The following CTNNBL1 variants were observed in gnomAD, a reference collection of about 807,000 sequenced individuals.
The protein encoded by CTNNBL1 is beta-catenin-like protein 1.
Under a neutral mutation model 72.7 loss-of-function variants are expected in CTNNBL1, and 31 were observed. The ratio of observed to expected loss-of-function variants is 0.43; its 90% CI spans 0.32 to 0.58. CTNNBL1 has a LOEUF of 0.58. Among genes scored for constraint, CTNNBL1 ranks in the 20% least tolerant of loss-of-function variants. CTNNBL1 has a pLI of 0.08. For synonymous variants in CTNNBL1, 240 were observed against 267.3 expected, an observed-to-expected ratio of 0.90 and a Z score of 1.00; for missense variants, 534 against 725.1, an observed-to-expected ratio of 0.74 and a Z score of 3.03.
intron 11 of CTNNBL1, among the ~76,000 whole-genome samples, chr20:37,822,068 CCTTT>C (rs2122772801): frequency 6.6e-6 from 1 of 152,184 alleles, no homozygotes; most frequent in Admixed American, 6.5e-5. Flanking sequence ...AGGAAGTGTG[CCTTT>C]CTGATTATTA....
intron 4 of CTNNBL1, among the ~76,000 whole-genome samples, chr20:37,748,913 C>G (rs1336305923): frequency 1.3e-5 from 2 of 152,224 alleles, no homozygotes; most frequent in African/African-American, 4.8e-5. Context: ...TGCCATATGC[C>G]TAGCTCTATT....
intron 9 of CTNNBL1, 132 bp downstream of exon 9, chr20:37,777,844 G>A: frequency 2.2e-6 from 2 of 892,052 alleles, no homozygotes; most frequent in Non-Finnish European, 3.7e-6. Flanking sequence ...CAGGTTTGAG[G>A]GTTATACGGA....
intron 13 of CTNNBL1, among the ~76,000 whole-genome samples, chr20:37,848,781 G>C (rs777802416): frequency 3.3e-5 from 5 of 152,084 alleles, no homozygotes; most frequent in Non-Finnish European, 5.9e-5. Context: ...CTCATTCAGT[G>C]GTGCTAATAG....
intron 1 of CTNNBL1, among the ~76,000 whole-genome samples, chr20:37,719,295 C>T (rs1445729915): frequency 6.6e-6 from 1 of 152,144 alleles, no homozygotes; most frequent in Non-Finnish European, 1.5e-5. Flanking sequence ...AATTATGATT[C>T]CTGGTGATTT....
intron 10 of CTNNBL1, among the ~76,000 whole-genome samples, chr20:37,790,823 A>G (rs1006787153): frequency 1.3e-5 from 2 of 152,216 alleles, no homozygotes; most frequent in Admixed American, 6.5e-5. Context: ...ATTTTGCAAT[A>G]TGTATAGACC....
intron 1 of CTNNBL1, among the ~76,000 whole-genome samples, chr20:37,705,250 A>G (rs2072875208): frequency 6.6e-6 from 1 of 152,210 alleles, no homozygotes; most frequent in Admixed American, 6.5e-5. Context: ...TCTTTAAAAT[A>G]GAGATTGTAT....
rs570065252 is a variant in CTNNBL1 at position 37,810,610 on chromosome 20, A to C, written c.1213+7562A>C. Reference sequence around the variant, plus strand: ...AGACTTCACACTATAATAAATGTTCATTAGTGGTTGAAGAAGCCCAGAGAA... The same window carrying C: ...AGACTTCACACTATAATAAATGTTCCTTAGTGGTTGAAGAAGCCCAGAGAA... On this transcript the variant is annotated intron_variant, in intron 11 of 15. Coordinates refer to ENST00000361383, the MANE Select transcript of CTNNBL1 (RefSeq NM_030877.5). Among the ~76,000 whole-genome samples the C allele has an allele frequency of 2.6e-5, 4 of 152,334 alleles. No homozygotes were observed. The East Asian group carries it at 7.7e-4, about 29-fold the overall frequency.
chr20:37,792,639 C>T (rs772097019), intron 10 of CTNNBL1, among the ~76,000 whole-genome samples: 2 of 150,922 alleles, frequency 1.3e-5, no homozygotes, highest in Non-Finnish European at 2.9e-5. Context: ...TAGGGATGCT[C>T]AACCAGTATA....
chr20:37,701,474 C>T (rs2072841726), intron 1 of CTNNBL1, among the ~76,000 whole-genome samples: 1 of 152,106 alleles, frequency 6.6e-6, no homozygotes, highest in African/African-American at 2.4e-5. Context: ...GCAAGACAGA[C>T]ATTTAGAAAA....
At chr20:37,770,995 C>T (rs1252141726) in intron 7 of CTNNBL1, among the ~76,000 whole-genome samples, 2 of 152,170 alleles carry the variant, frequency 1.3e-5, no homozygotes, top group African/African-American at 4.8e-5. Context: ...ATCGTGGTGA[C>T]TCTTAGTGAG....
At chr20:37,752,489 A>G (rs921260191) in intron 4 of CTNNBL1, among the ~76,000 whole-genome samples, 4 of 151,840 alleles carry the variant, frequency 2.6e-5, no homozygotes, top group Non-Finnish European at 4.4e-5. Flanking sequence ...ATACTGGTTT[A>G]TTTGTCTTAA....
chr20:37,726,774 C>T (rs867221723), intron 1 of CTNNBL1, among the ~76,000 whole-genome samples: 2 of 152,226 alleles, frequency 1.3e-5, no homozygotes, highest in Middle Eastern at 3.4e-3. Context: ...CTTTCTTAGC[C>T]AGGGAACTTG....
chr20:37,836,020 C>T (rs556701784), intron 11 of CTNNBL1, among the ~76,000 whole-genome samples: 5 of 152,144 alleles, frequency 3.3e-5, no homozygotes, highest in Admixed American at 6.5e-5. Context: ...ATCAAGTACA[C>T]GTTGTACCTT....
At chr20:37,849,322 G>A (rs1017938492) in intron 13 of CTNNBL1, among the ~76,000 whole-genome samples, 5 of 152,014 alleles carry the variant, frequency 3.3e-5, no homozygotes, top group African/African-American at 4.8e-5. Flanking sequence ...GCCTTGCATC[G>A]CCCTCGGGAT....
chr20:37,800,269 C>T (rs1456859355), intron 10 of CTNNBL1, among the ~76,000 whole-genome samples: 1 of 152,200 alleles, frequency 6.6e-6, no homozygotes, highest in Non-Finnish European at 1.5e-5. Flanking sequence ...TTGGTCTCCA[C>T]ATCACCATTA....
rs939022918 is a variant in CTNNBL1 at position 37,815,745 on chromosome 20, C to T, written c.1213+12697C>T. ...AGCATAAGAAGGGGAAGTGAAGATG[C>T]CTTTCAAATGGTATTTTTTTAAAAT... On this transcript the variant is annotated intron_variant, in intron 11 of 15. Transcript: ENST00000361383. Among the ~76,000 whole-genome samples, 6 of 152,212 alleles carry T rather than the reference C, an allele frequency of 3.9e-5. No individual in the cohort carries two copies. In the Middle Eastern group the frequency reaches 0.01, roughly 259 times the overall value.
chr20:37,795,829 A>G (rs528603312), intron 10 of CTNNBL1, among the ~76,000 whole-genome samples: 14 of 149,734 alleles, frequency 9.3e-5, no homozygotes, highest in South Asian at 6.3e-4. Flanking sequence ...TGTGGGTCAC[A>G]TGTTCCTTCT....
Position 37,860,879 on chromosome 20 carries a change from G to T in CTNNBL1, c.1603+535G>T, listed in dbSNP as rs375707262. ...TAGTTATTGTTGTTAATCTCTTACTGTGCCTAATTTATAAATTAACCTTTA... is the reference window on the plus strand; with the variant it reads ...TAGTTATTGTTGTTAATCTCTTACTTTGCCTAATTTATAAATTAACCTTTA... On this transcript the variant is annotated intron_variant, in intron 15 of 15. Transcript: ENST00000361383. Among the ~76,000 whole-genome samples, 7 of 152,210 alleles carry T rather than the reference G, an allele frequency of 4.6e-5. No individual in the cohort carries two copies. The East Asian group carries it at 7.7e-4, about 17-fold the overall frequency.
At chr20:37,777,263 T>C (rs888521322) in intron 7 of CTNNBL1, 82 bp from the exon 8 acceptor site, 1 of 1,055,168 alleles carries the variant, frequency 9.5e-7, no homozygotes, top group Non-Finnish European at 1.5e-6. Flanking sequence ...CTAACTCAGA[T>C]CATAGTACTC....
Sources: gnomAD v4.1 joint callset for allele counts (sites outside exome capture counted in the v4.1 genomes callset) on GRCh38, gnomAD v4.1.1 for gene constraint, MANE v1.5 for transcripts, NCBI Gene and HGNC (gene_info 2026-07-23, HGNC 2026-07-21) for gene names.